The following SH3BGRL2 variants were observed in gnomAD, a reference collection of about 807,000 sequenced individuals.
SH3BGRL2 encodes SH3 domain-binding glutamic acid-rich-like protein 2.
In SH3BGRL2, 21 loss-of-function variants were observed where a neutral mutation model predicts 14.8. The observed-to-expected ratio is 1.42, with a 90% CI of 1.01 to 2.05. The LOEUF (loss-of-function observed/expected upper bound fraction) is 2.05. Among genes scored for constraint, SH3BGRL2 ranks in the 30% most tolerant of loss-of-function variants. The probability of loss-of-function intolerance (pLI) is 0.00; values close to 1 mark genes in which losing one functional copy is unlikely to be tolerated. For missense variants in SH3BGRL2, 147 were observed against 130.8 expected (o/e 1.12, Z -0.61); for synonymous variants, 50 against 47.8 (o/e 1.05, Z -0.19).
At chr6:79,631,605 G>GCA in intron 1 of SH3BGRL2, 99 bp downstream of exon 1, 1 of 996,274 alleles carries the variant, frequency 1.0e-6, no homozygotes, top group Non-Finnish European at 1.3e-6. Flanking sequence ...CGCTCAGCCG[G>GCA]TCCGCCCGCG....
chr6:79,660,117 T>C (rs1344842398), intron 1 of SH3BGRL2, among the ~76,000 whole-genome samples: 1 of 152,202 alleles, frequency 6.6e-6, no homozygotes, highest in Non-Finnish European at 1.5e-5. Context: ...TTTTCCTAAT[T>C]GAATACCCTT....
chr6:79,648,275 TATATATATTTGACATATATTATATATA>T, intron 1 of SH3BGRL2, among the ~76,000 whole-genome samples: 2 of 131,400 alleles, frequency 1.5e-5, no homozygotes, highest in Admixed American at 7.9e-5. Flanking sequence ...TATATATATA[TATATATATTTGACATATATTATATATA>T]ATATATATAT....
At chr6:79,555,002 C>A in the SH3BGRL2 span, among the ~76,000 whole-genome samples, 1 of 151,904 alleles carries the variant, frequency 6.6e-6, no homozygotes, top group African/African-American at 2.4e-5. Flanking sequence ...ATTTTCTTCA[C>A]AATAGTCATA....
At chr6:79,595,290 T>TA in the SH3BGRL2 span, among the ~76,000 whole-genome samples, 239 of 143,760 alleles carry the variant, frequency 1.7e-3, 2 homozygotes, top group East Asian at 0.016. Context: ...AACATCGTCT[T>TA]AAAAAAAAAA....
intron 2 of SH3BGRL2, among the ~76,000 whole-genome samples, chr6:79,676,984 C>T (rs141682763): frequency 6.6e-6 from 1 of 152,162 alleles, no homozygotes; most frequent in East Asian, 1.9e-4. Flanking sequence ...GGTGTTAGTC[C>T]TGTGGTGGTG....
chr6:79,573,290 T>C, the SH3BGRL2 span, among the ~76,000 whole-genome samples: 6 of 152,180 alleles, frequency 3.9e-5, no homozygotes, highest in African/African-American at 1.2e-4. Flanking sequence ...TGATGTTAAA[T>C]CTCAAGTTTC....
the SH3BGRL2 span, among the ~76,000 whole-genome samples, chr6:79,614,681 C>G: frequency 6.6e-6 from 1 of 152,172 alleles, no homozygotes; most frequent in African/African-American, 2.4e-5. Context: ...GCCCTCACCC[C>G]TAATTGCTAG....
the SH3BGRL2 span, among the ~76,000 whole-genome samples, chr6:79,553,660 TAC>T: frequency 0.16 from 24,008 of 152,040 alleles, 2,089 homozygotes; most frequent in South Asian, 0.22. Flanking sequence ...TCTGATAATG[TAC>T]AGTTTTATGA....
chr6:79,594,878 A>T, the SH3BGRL2 span, among the ~76,000 whole-genome samples: 2 of 152,230 alleles, frequency 1.3e-5, no homozygotes, highest in Non-Finnish European at 2.9e-5. Flanking sequence ...ACTTTACAAG[A>T]CAATTTAGGA....
chr6:79,658,136 T>C (rs1003729591), intron 1 of SH3BGRL2, among the ~76,000 whole-genome samples: 4 of 152,088 alleles, frequency 2.6e-5, no homozygotes, highest in Non-Finnish European at 4.4e-5. Flanking sequence ...AATGAAGTGA[T>C]TGGATTTATT....
intron 1 of SH3BGRL2, among the ~76,000 whole-genome samples, chr6:79,646,986 T>C (rs1193116730): frequency 6.6e-6 from 1 of 152,266 alleles, no homozygotes; most frequent in Non-Finnish European, 1.5e-5. Flanking sequence ...TGATGAATAA[T>C]GCCGCTCTGA....
At chr6:79,654,336 C>T (rs966238246) in intron 1 of SH3BGRL2, among the ~76,000 whole-genome samples, 7 of 152,156 alleles carry the variant, frequency 4.6e-5, no homozygotes. Flanking sequence ...GTGAATTTTC[C>T]AGTCCTTTCC....
chr6:79,660,318 A>G (rs1231881366), intron 1 of SH3BGRL2, among the ~76,000 whole-genome samples: 1 of 152,182 alleles, frequency 6.6e-6, no homozygotes, highest in Non-Finnish European at 1.5e-5. Flanking sequence ...CATTCCATCA[A>G]TACCTAGTTT....
At chr6:79,611,124 A>G in the SH3BGRL2 span, among the ~76,000 whole-genome samples, 1 of 152,128 alleles carries the variant, frequency 6.6e-6, no homozygotes, top group Non-Finnish European at 1.5e-5. Flanking sequence ...TCCATAGTCT[A>G]ATCTTCCTTT....
chr6:79,572,968 G>T, the SH3BGRL2 span, among the ~76,000 whole-genome samples: 1 of 152,086 alleles, frequency 6.6e-6, no homozygotes, highest in African/African-American at 2.4e-5. Context: ...TTTTAAAATG[G>T]TGTCTTTAGA....
At chr6:79,618,900 G>C in the SH3BGRL2 span, among the ~76,000 whole-genome samples, 2 of 10,644 alleles carry the variant, frequency 1.9e-4, no homozygotes, top group African/African-American at 6.2e-4. Flanking sequence ...CTGGGTGACA[G>C]AGTGAGACTC....
the SH3BGRL2 span, among the ~76,000 whole-genome samples, chr6:79,569,789 T>C: frequency 1.3e-5 from 2 of 152,160 alleles, no homozygotes; most frequent in Non-Finnish European, 1.5e-5. Flanking sequence ...AATTCTAAAG[T>C]GGGTTTCTTT....
intron 2 of SH3BGRL2, among the ~76,000 whole-genome samples, chr6:79,682,781 C>A (rs1001667387): frequency 6.6e-6 from 1 of 152,152 alleles, no homozygotes; most frequent in Non-Finnish European, 1.5e-5. Flanking sequence ...GCACTATTCG[C>A]AATAGCAAAG....
At chr6:79,669,791 TATCTAC>T (rs1178616959) in intron 1 of SH3BGRL2, among the ~76,000 whole-genome samples, 4 of 152,154 alleles carry the variant, frequency 2.6e-5, no homozygotes, top group Non-Finnish European at 4.4e-5. Flanking sequence ...AAATACATAG[TATCTAC>T]AGTCTGTCAG....
Sources: allele counts gnomAD v4.1 joint callset (sites outside exome capture counted in the v4.1 genomes callset), GRCh38; gene constraint gnomAD v4.1.1; transcripts MANE v1.5; gene names NCBI Gene and HGNC (gene_info 2026-07-23, HGNC 2026-07-21).